The following ZFPM2 variants were observed in gnomAD, a reference collection of about 807,000 sequenced individuals.
The protein encoded by ZFPM2 is zinc finger protein, FOG family member 2.
In ZFPM2, 20 loss-of-function variants were observed where a neutral mutation model predicts 98.6. That is an observed-to-expected ratio of 0.20 (90% CI 0.14 to 0.29). ZFPM2 has a LOEUF of 0.29. ZFPM2 is among the 10% of genes least tolerant of loss of function. ZFPM2 has a pLI of 1.00. For synonymous variants in ZFPM2, 518 were observed against 502.7 expected (o/e 1.03, Z -0.41); for missense variants, 1,310 against 1,388.6 (o/e 0.94, Z 0.90).
chr8:105,511,447 T>C (rs1813816661), intron 3 of ZFPM2, among the ~76,000 whole-genome samples: 1 of 152,180 alleles, frequency 6.6e-6, no homozygotes, highest in Non-Finnish European at 1.5e-5. Context: ...ATTTCTCAGC[T>C]CTTCACCTAG....
Position 105,597,110 on chromosome 8 carries a change from G to GA in ZFPM2, c.420+35638dup, listed in dbSNP as rs35831573. On this transcript the variant is annotated intron_variant, in intron 4 of 7. Transcript: ENST00000407775. ...TTGAAAGCTGTACCTTGGTATCTGTGAAAAAAAAATGCATTATTAATAGAT... is the reference window on the plus strand; with the variant it reads ...TTGAAAGCTGTACCTTGGTATCTGTGAAAAAAAAAATGCATTATTAATAGAT... 6.7e-4 allele frequency among the ~76,000 whole-genome samples: 101 copies of GA among 150,146 alleles called. 1 individual carries two copies. The highest frequency in any genetic ancestry group is 4.9e-3 in the Admixed American group (74 of 15,068).
chr8:105,796,050 G>T (rs80197981), intron 6 of ZFPM2, among the ~76,000 whole-genome samples: 5,293 of 151,620 alleles, frequency 0.035, 158 homozygotes, highest in Non-Finnish European at 0.055. Context: ...TCATCCTTTA[G>T]ATTAAAGAAA....
intron 1 of ZFPM2, among the ~76,000 whole-genome samples, chr8:105,393,330 C>T (rs2880620): frequency 3.0e-5 from 4 of 132,834 alleles, no homozygotes; most frequent in Non-Finnish European, 3.2e-5. Context: ...CCCTCTCTCT[C>T]TCTTTGCCTT....
chr8:105,535,698 A>G (rs1033263369), intron 3 of ZFPM2, among the ~76,000 whole-genome samples: 1 of 152,152 alleles, frequency 6.6e-6, no homozygotes, highest in Non-Finnish European at 1.5e-5. Context: ...TCTGATTATT[A>G]TAGCCTCCCA....
chr8:105,516,845 AATAGGCACT>A (rs1400929169), intron 3 of ZFPM2, among the ~76,000 whole-genome samples: 1 of 152,208 alleles, frequency 6.6e-6, no homozygotes, highest in East Asian at 1.9e-4. Context: ...AAGCCTATAA[AATAGGCACT>A]AAATACTATC....
chr8:105,499,606 C>G (rs1479951042), intron 3 of ZFPM2, among the ~76,000 whole-genome samples: 2 of 152,172 alleles, frequency 1.3e-5, no homozygotes, highest in Admixed American at 6.5e-5. Context: ...TTCCCAAGCT[C>G]TCTGTACTTT....
At chr8:105,454,679 T>C (rs1367211150) in intron 3 of ZFPM2, among the ~76,000 whole-genome samples, 1 of 152,240 alleles carries the variant, frequency 6.6e-6, no homozygotes, top group Non-Finnish European at 1.5e-5. Context: ...TGTCATTTTT[T>C]ATGTGAATGT....
Position 105,802,305 on chromosome 8 carries a change from G to A in ZFPM2, c.2223G>A (p.Met741Ile), listed in dbSNP as rs1219550835. Residue 741 changes from methionine to isoleucine, a missense_variant, in exon 8 of 8, where the codon ATG becomes ATA. Met to Ile is a conservative substitution (Grantham distance 10, BLOSUM62 1). Transcript: ENST00000407775. The part of the protein sequence containing the change: ...RTMRTRKRRK[M>I]YEMCLPEQEQ... ...TGCGCACACGCAAGCGCAGAAAGAT[G>A]TATGAGATGTGCCTACCTGAGCAGG... The A allele has an allele frequency of 6.2e-7, 1 of 1,613,662 alleles. No homozygotes were observed. Among genetic ancestry groups the A allele is most frequent in the African/African-American group, 1.3e-5 (1 of 74,924 alleles).
intron 3 of ZFPM2, among the ~76,000 whole-genome samples, chr8:105,447,228 T>C (rs1340613853): frequency 2.0e-5 from 3 of 151,714 alleles, no homozygotes; most frequent in African/African-American, 7.3e-5. Context: ...AAAAATAAAA[T>C]AGGCTTTAGA....
At chr8:105,591,516 G>A (rs1238635447) in intron 4 of ZFPM2, among the ~76,000 whole-genome samples, 2 of 152,044 alleles carry the variant, frequency 1.3e-5, no homozygotes, top group African/African-American at 4.8e-5. Context: ...CTTTAATACA[G>A]TTTTAAACTT....
intron 5 of ZFPM2, among the ~76,000 whole-genome samples, chr8:105,637,169 T>C (rs1053605141): frequency 1.5e-4 from 23 of 152,174 alleles, no homozygotes; most frequent in African/African-American, 5.1e-4. Flanking sequence ...CCTGTGATCA[T>C]AGAGAGCTAA....
chr8:105,680,202 T>C (rs1810570674), intron 5 of ZFPM2, among the ~76,000 whole-genome samples: 1 of 152,194 alleles, frequency 6.6e-6, no homozygotes, highest in Non-Finnish European at 1.5e-5. Flanking sequence ...GTTGTGGACC[T>C]TTCTTCAAGT....
chr8:105,657,851 A>C (rs749695632), intron 5 of ZFPM2, among the ~76,000 whole-genome samples: 1 of 152,188 alleles, frequency 6.6e-6, no homozygotes, highest in Admixed American at 6.5e-5. Context: ...CCATGCATTT[A>C]TTTTTTAATC....
chr8:105,509,345 A>G (rs1813766818), intron 3 of ZFPM2, among the ~76,000 whole-genome samples: 3 of 152,132 alleles, frequency 2.0e-5, no homozygotes, highest in Non-Finnish European at 4.4e-5. Flanking sequence ...TCTCCCAGAA[A>G]GGGAGACTTT....
intron 5 of ZFPM2, among the ~76,000 whole-genome samples, chr8:105,671,479 A>T (rs1372639690): frequency 2.0e-5 from 3 of 151,774 alleles, no homozygotes; most frequent in African/African-American, 7.3e-5. Flanking sequence ...TCATCTGTAC[A>T]TTATCAGAGG....
At chr8:105,581,158 A>T (rs539218968) in intron 4 of ZFPM2, among the ~76,000 whole-genome samples, 1 of 152,104 alleles carries the variant, frequency 6.6e-6, no homozygotes, top group East Asian at 1.9e-4. Flanking sequence ...ATTCTACTAG[A>T]TGCCATTTTA....
At chr8:105,599,404 A>T (rs2130781001) in intron 4 of ZFPM2, among the ~76,000 whole-genome samples, 1 of 151,794 alleles carries the variant, frequency 6.6e-6, no homozygotes, top group African/African-American at 2.4e-5. Flanking sequence ...AAAAAAAAAA[A>T]AAATGAAGGC....
rs1321588044 is a variant in ZFPM2 at position 105,635,140 on chromosome 8, T to C, written c.532+783T>C. On this transcript the variant is annotated intron_variant, in intron 5 of 7. Coordinates refer to ENST00000407775, the MANE Select transcript of ZFPM2 (RefSeq NM_012082.4). ...CCCTAATCTCACTTTTTCATAAATA[T>C]TACAAAACCTTGTGCTTCTCATGTT... is the stretch of plus-strand genomic sequence containing the variant. Among the ~76,000 whole-genome samples the C allele has an allele frequency of 2.0e-5, 3 of 152,170 alleles. No individual in the cohort carries two copies. The East Asian group carries it at 5.8e-4, about 29-fold the overall frequency.
intron 5 of ZFPM2, among the ~76,000 whole-genome samples, chr8:105,778,013 G>T (rs1184178438): frequency 6.6e-6 from 1 of 151,996 alleles, no homozygotes; most frequent in Non-Finnish European, 1.5e-5. Flanking sequence ...CAGGTGCTGT[G>T]CAGGAGGATC....
Sources: gnomAD v4.1 joint callset for allele counts (sites outside exome capture counted in the v4.1 genomes callset) on GRCh38, gnomAD v4.1.1 for gene constraint, MANE v1.5 for transcripts, NCBI Gene and HGNC (gene_info 2026-07-23, HGNC 2026-07-21) for gene names.